The following GSE1 variants were observed in gnomAD, a reference collection of about 807,000 sequenced individuals.
The protein encoded by GSE1 is genetic suppressor element 1.
A neutral mutation model predicts 112.6 loss-of-function variants in GSE1; 32 were observed. The observed-to-expected ratio is 0.28, with a 90% CI of 0.21 to 0.38. The LOEUF is 0.38. Ranked by LOEUF, GSE1 falls within the 10% of genes least tolerant of loss-of-function variation. GSE1 has a pLI of 1.00. For missense variants in GSE1, 2,348 were observed against 1,699.2 expected (o/e 1.38, Z -6.71); for synonymous variants, 1,115 against 735.6 (o/e 1.52, Z -8.35).
chr16:85,626,439 G>T (rs1402278956), intron 1 of GSE1, among the ~76,000 whole-genome samples: 2 of 151,712 alleles, frequency 1.3e-5, no homozygotes, highest in Non-Finnish European at 2.9e-5. Flanking sequence ...GCGGGGGCGG[G>T]CACCAGTCCC....
At chr16:85,425,463 A>G (rs2048952586) in intron 2 of GSE1, among the ~76,000 whole-genome samples, 1 of 152,174 alleles carries the variant, frequency 6.6e-6, no homozygotes, top group Non-Finnish European at 1.5e-5. Context: ...GGGGAAGGGA[A>G]GTCGCCCGTG....
intron 1 of GSE1, among the ~76,000 whole-genome samples, chr16:85,321,495 A>G (rs1001471438): frequency 2.6e-5 from 4 of 152,182 alleles, no homozygotes; most frequent in African/African-American, 9.7e-5. Context: ...TAGGCCAGGC[A>G]TGGTGACTCA....
intron 1 of GSE1, among the ~76,000 whole-genome samples, chr16:85,241,581 C>CT (rs146634255): frequency 0.18 from 26,893 of 152,068 alleles, 2,688 homozygotes; most frequent in East Asian, 0.24. Flanking sequence ...TGAATAAACT[C>CT]TGTCAATTAC....
chr16:85,628,884 G>A (rs1341051979), intron 1 of GSE1, among the ~76,000 whole-genome samples: 1 of 152,172 alleles, frequency 6.6e-6, no homozygotes, highest in African/African-American at 2.4e-5. Flanking sequence ...CACTGATAGG[G>A]TTTGGATGTG....
intron 2 of GSE1, among the ~76,000 whole-genome samples, chr16:85,525,253 C>CG (rs1448055126): frequency 6.6e-6 from 1 of 152,064 alleles, no homozygotes; most frequent in Non-Finnish European, 1.5e-5. Flanking sequence ...TCACTTGTCC[C>CG]CCCCCCACTG....
At chr16:85,203,503 G>T (rs898790941) in intron 1 of GSE1, among the ~76,000 whole-genome samples, 2 of 152,168 alleles carry the variant, frequency 1.3e-5, no homozygotes, top group South Asian at 2.1e-4. Flanking sequence ...TCGCTCTTTC[G>T]TGGGAAGCCA....
At chr16:85,646,824 C>G (rs1442692315) in intron 2 of GSE1, among the ~76,000 whole-genome samples, 3 of 151,300 alleles carry the variant, frequency 2.0e-5, no homozygotes, top group African/African-American at 4.8e-5. Context: ...AGGCCCAGGC[C>G]TCACTGGCAG....
chr16:85,422,344 C>T (rs2048864734), intron 2 of GSE1, among the ~76,000 whole-genome samples: 2 of 151,476 alleles, frequency 1.3e-5, no homozygotes, highest in Non-Finnish European at 2.9e-5. Flanking sequence ...CAGTAAGAGG[C>T]TCTGCGGGAA....
chr16:85,433,428 G>T (rs761988564), intron 2 of GSE1, among the ~76,000 whole-genome samples: 4 of 152,136 alleles, frequency 2.6e-5, no homozygotes, highest in Non-Finnish European at 5.9e-5. Context: ...GAGAGAAGCA[G>T]GAGTGCACAC....
intron 2 of GSE1, among the ~76,000 whole-genome samples, chr16:85,489,466 A>T (rs886437924): frequency 2.6e-5 from 4 of 152,012 alleles, no homozygotes; most frequent in Admixed American, 2.0e-4. Flanking sequence ...TCAAGCAGAG[A>T]CAGGCAGTGG....
rs1380889143 is a variant in GSE1 at position 85,654,337 on chromosome 16, C to T, written c.486C>T (p.Leu162=). 3.1e-6 allele frequency: 5 copies of T among 1,612,156 alleles called. No homozygotes were observed. The highest frequency in any genetic ancestry group is 2.2e-5 in the East Asian group (1 of 44,836). Residue 162 remains leucine, a synonymous_variant, in exon 4 of 16, where the codon CTC becomes CTT. Coordinates refer to ENST00000253458, the MANE Select transcript of GSE1 (RefSeq NM_014615.5). ...AACGCCTCATTGTGGAGCCCCCGCTCCCTCAGGAGAAGGCAGGGGGACCAG... is the reference window on the plus strand; with the variant it reads ...AACGCCTCATTGTGGAGCCCCCGCTTCCTCAGGAGAAGGCAGGGGGACCAG... The part of the protein sequence containing the change: ...GRERLIVEPP[L]PQEKAGGPAI...
At chr16:85,545,803 G>A (rs1308244218) in intron 2 of GSE1, among the ~76,000 whole-genome samples, 3 of 152,012 alleles carry the variant, frequency 2.0e-5, no homozygotes, top group Non-Finnish European at 2.9e-5. Flanking sequence ...TTTGTTTTTG[G>A]AGACAGAGTC....
At chr16:85,555,365 G>T, upstream of GSE1, 1 of 985,032 alleles carries the variant, frequency 1.0e-6, no homozygotes, top group Non-Finnish European at 1.2e-6. Context: ...GTCAGTGGTG[G>T]GACGCCGGGC....
intron 2 of GSE1, among the ~76,000 whole-genome samples, chr16:85,389,333 A>G (rs7189517): frequency 0.22 from 32,934 of 151,872 alleles, 3,915 homozygotes; most frequent in Middle Eastern, 0.37. Flanking sequence ...GGTGGCAGGC[A>G]CCTGTAATCC....
At chr16:85,421,087 G>C (rs2048832813) in intron 2 of GSE1, among the ~76,000 whole-genome samples, 1 of 152,210 alleles carries the variant, frequency 6.6e-6, no homozygotes, top group Admixed American at 6.5e-5. Context: ...TAAATGAATT[G>C]ATATGTTTGG....
chr16:85,646,970 A>G (rs2050925132), intron 2 of GSE1, among the ~76,000 whole-genome samples: 1 of 151,848 alleles, frequency 6.6e-6, no homozygotes, highest in Admixed American at 6.6e-5. Flanking sequence ...GTGCCTTTGG[A>G]CACCCCCTAC....
At chr16:85,580,597 G>T (rs556359808) in intron 1 of GSE1, among the ~76,000 whole-genome samples, 2 of 152,350 alleles carry the variant, frequency 1.3e-5, no homozygotes, top group Non-Finnish European at 2.9e-5. Context: ...TGGCTGTGGT[G>T]GCTGACATCT....
At chr16:85,602,143 C>G (rs1050316334) in intron 1 of GSE1, among the ~76,000 whole-genome samples, 3 of 152,160 alleles carry the variant, frequency 2.0e-5, no homozygotes, top group Non-Finnish European at 4.4e-5. Flanking sequence ...AGGCCGGGCA[C>G]AGTAGGCACT....
At chr16:85,331,357 G>GTATATATATA (rs1161946667) in intron 1 of GSE1, among the ~76,000 whole-genome samples, 1,414 of 56,976 alleles carry the variant, frequency 0.025, 260 homozygotes, top group Non-Finnish European at 0.043. Flanking sequence ...GTGTGTGTGT[G>GTATATATATA]TGTGTGTGTA....
Sources: allele counts gnomAD v4.1 joint callset (sites outside exome capture counted in the v4.1 genomes callset), GRCh38; gene constraint gnomAD v4.1.1; transcripts MANE v1.5; gene names NCBI Gene and HGNC (gene_info 2026-07-23, HGNC 2026-07-21).